Variants in CNTNAP2 observed in about 807,000 individuals in gnomAD.
The protein encoded by CNTNAP2 is contactin associated protein 2.
CNTNAP2 carries 98 observed loss-of-function variants against 155.2 expected under a neutral mutation model. That is an observed-to-expected ratio of 0.63 (90% CI 0.54 to 0.75). The LOEUF is 0.75. Among genes scored for constraint, CNTNAP2 ranks in the 30% least tolerant of loss-of-function variants. The probability of loss-of-function intolerance (pLI) is 0.00; values close to 1 mark genes in which losing one functional copy is unlikely to be tolerated. For synonymous variants in CNTNAP2, 651 were observed against 631.2 expected, an observed-to-expected ratio of 1.03 and a Z score of -0.47; for missense variants, 1,727 against 1,688.1, an observed-to-expected ratio of 1.02 and a Z score of -0.40.
chr7:146,233,428 C>T (rs1799418438), intron 1 of CNTNAP2, among the ~76,000 whole-genome samples: 1 of 151,628 alleles, frequency 6.6e-6, no homozygotes, highest in African/African-American at 2.4e-5. Context: ...TGACTCACTA[C>T]AGAAGACAAG....
chr7:147,280,976 A>G (rs1011564454), intron 8 of CNTNAP2, among the ~76,000 whole-genome samples: 54 of 151,906 alleles, frequency 3.6e-4, no homozygotes, highest in African/African-American at 1.3e-3. Context: ...AATTTCACAA[A>G]CTTGGGTCTT....
intron 1 of CNTNAP2, among the ~76,000 whole-genome samples, chr7:146,546,766 A>C (rs1798035179): frequency 6.6e-6 from 1 of 151,886 alleles, no homozygotes; most frequent in South Asian, 2.1e-4. Flanking sequence ...CAGCAAGCAG[A>C]AGTGCTGAGT....
chr7:146,755,957 TTATGAA>T (rs1801988225), intron 1 of CNTNAP2, among the ~76,000 whole-genome samples: 1 of 151,926 alleles, frequency 6.6e-6, no homozygotes, highest in Non-Finnish European at 1.5e-5. Flanking sequence ...TTCAATAAGT[TTATGAA>T]TATGAAACGA....
intron 1 of CNTNAP2, among the ~76,000 whole-genome samples, chr7:146,609,259 G>A (rs1799096258): frequency 6.6e-6 from 1 of 152,168 alleles, no homozygotes; most frequent in Non-Finnish European, 1.5e-5. Flanking sequence ...GTCTTCTTCT[G>A]TAGTGAGCAT....
chr7:146,171,199 A>G (rs1798384977), intron 1 of CNTNAP2, among the ~76,000 whole-genome samples: 1 of 152,150 alleles, frequency 6.6e-6, no homozygotes, highest in East Asian at 1.9e-4. Context: ...ACAATCACCA[A>G]TCCTTCTTAG....
chr7:147,821,596 G>A (rs1798361587), intron 13 of CNTNAP2, among the ~76,000 whole-genome samples: 1 of 152,116 alleles, frequency 6.6e-6, no homozygotes, highest in African/African-American at 2.4e-5. Context: ...CTTCCAGTGT[G>A]GTAACTTAGG....
chr7:147,334,489 A>G (rs530522911), intron 9 of CNTNAP2, among the ~76,000 whole-genome samples: 8 of 152,314 alleles, frequency 5.3e-5, no homozygotes, highest in African/African-American at 1.7e-4. Flanking sequence ...ACTTATAACC[A>G]TAAATGCATT....
intron 1 of CNTNAP2, among the ~76,000 whole-genome samples, chr7:146,591,423 A>ACGT (rs1798781963): frequency 6.6e-5 from 10 of 151,724 alleles, no homozygotes; most frequent in African/African-American, 2.4e-4. Flanking sequence ...ATAATTGAGA[A>ACGT]ATGTAAAATA....
chr7:146,827,056 C>T (rs1018859880), intron 2 of CNTNAP2, among the ~76,000 whole-genome samples: 9 of 151,654 alleles, frequency 5.9e-5, no homozygotes, highest in Non-Finnish European at 1.0e-4. Context: ...TAATCTCTGT[C>T]GTTCTTATAT....
At chr7:147,529,717 A>G (rs1280409962) in intron 11 of CNTNAP2, among the ~76,000 whole-genome samples, 1 of 152,246 alleles carries the variant, frequency 6.6e-6, no homozygotes, top group Non-Finnish European at 1.5e-5. Flanking sequence ...ACAGGTTTCC[A>G]GAAAATAAAC....
Position 148,024,173 on chromosome 7 carries a change from A to AAACAAAAAAAAC in CNTNAP2, c.2383+46186_2383+46187insCAAAAAAAACAA, listed in dbSNP as rs1802335212. 2.7e-5 allele frequency among the ~76,000 whole-genome samples: 4 copies of AAACAAAAAAAAC among 147,888 alleles called. No individual in the cohort carries two copies. The East Asian group carries it at 9.0e-4, about 33-fold the overall frequency. Reference sequence around the variant, plus strand: ...TTTAAAGTGTAAAAAAAAAAAAAAAAAAAAAACTTTATAACATCCTGAGAA... The same window carrying AAACAAAAAAAAC: ...TTTAAAGTGTAAAAAAAAAAAAAAAAAACAAAAAAAACAAAAAACTTTATAACATCCTGAGAA... On this transcript the variant is annotated intron_variant, in intron 15 of 23. Coordinates refer to ENST00000361727, the MANE Select transcript of CNTNAP2 (RefSeq NM_014141.6).
intron 1 of CNTNAP2, among the ~76,000 whole-genome samples, chr7:146,530,441 C>A (rs1230555323): frequency 1.3e-5 from 2 of 152,008 alleles, no homozygotes; most frequent in Non-Finnish European, 2.9e-5. Flanking sequence ...AGTAAACAGA[C>A]AATCTACAGA....
intron 11 of CNTNAP2, among the ~76,000 whole-genome samples, chr7:147,523,482 T>C (rs1799264344): frequency 6.6e-6 from 1 of 152,066 alleles, no homozygotes; most frequent in African/African-American, 2.4e-5. Flanking sequence ...ATACCAGGAG[T>C]TGGGGATCCT....
intron 13 of CNTNAP2, among the ~76,000 whole-genome samples, chr7:147,851,665 A>C (rs935493123): frequency 1.3e-5 from 2 of 151,762 alleles, no homozygotes; most frequent in African/African-American, 4.8e-5. Flanking sequence ...CAAGGACAGA[A>C]AACCAAACAC....
chr7:147,340,239 A>G (rs1233471532), intron 9 of CNTNAP2, among the ~76,000 whole-genome samples: 1 of 152,146 alleles, frequency 6.6e-6, no homozygotes. Flanking sequence ...GTTTAAGGGA[A>G]TCTGCTCACT....
chr7:146,145,130 C>A (rs1179598020), intron 1 of CNTNAP2, among the ~76,000 whole-genome samples: 2 of 152,090 alleles, frequency 1.3e-5, no homozygotes, highest in East Asian at 3.9e-4. Flanking sequence ...AGAAACTCAT[C>A]TTTTTCTGAG....
intron 13 of CNTNAP2, among the ~76,000 whole-genome samples, chr7:147,892,314 T>A (rs901241921): frequency 6.6e-6 from 1 of 152,216 alleles, no homozygotes; most frequent in Non-Finnish European, 1.5e-5. Flanking sequence ...GACATATTTT[T>A]ATAATAGATA....
At chr7:147,783,925 A>G (rs772169836) in intron 13 of CNTNAP2, among the ~76,000 whole-genome samples, 8 of 152,126 alleles carry the variant, frequency 5.3e-5, no homozygotes, top group African/African-American at 1.4e-4. Flanking sequence ...CAAGCCACCC[A>G]GTTTATGGTA....
intron 1 of CNTNAP2, among the ~76,000 whole-genome samples, chr7:146,275,330 C>A (rs561349848): frequency 6.6e-6 from 1 of 152,012 alleles, no homozygotes; most frequent in Non-Finnish European, 1.5e-5. Flanking sequence ...ACTATAGTGA[C>A]CATGAATAGA....
Sources: allele counts gnomAD v4.1 joint callset (sites outside exome capture counted in the v4.1 genomes callset), GRCh38; gene constraint gnomAD v4.1.1; transcripts MANE v1.5; gene names NCBI Gene and HGNC (gene_info 2026-07-23, HGNC 2026-07-21).